DNAJC18: variants seen among roughly 807,000 people sequenced by gnomAD.
DNAJC18 encodes dnaJ homolog subfamily C member 18.
A neutral mutation model predicts 48.6 loss-of-function variants in DNAJC18; 40 were observed. That is an observed-to-expected ratio of 0.82 (90% CI 0.64 to 1.07). The LOEUF (loss-of-function observed/expected upper bound fraction) is 1.07, where lower values mean the gene tolerates loss of function less well. DNAJC18 is among the 50% of genes least tolerant of loss of function. DNAJC18 has a pLI of 0.00. For synonymous variants in DNAJC18, 135 were observed against 152.2 expected, an observed-to-expected ratio of 0.89 and a Z score of 0.83; for missense variants, 340 against 427.7, an observed-to-expected ratio of 0.79 and a Z score of 1.81.
chr5:139,414,995 A>T (rs967013110), intron 7 of DNAJC18, among the ~76,000 whole-genome samples: 2 of 151,982 alleles, frequency 1.3e-5, no homozygotes, highest in Admixed American at 6.6e-5. Flanking sequence ...TCTATTTTTT[A>T]TTCTTTTGTG....
At chr5:139,418,036 C>A (rs3924257) in intron 7 of DNAJC18, among the ~76,000 whole-genome samples, 85,376 of 151,996 alleles carry the variant, frequency 0.56, 26,064 homozygotes, top group Non-Finnish European at 0.7. Flanking sequence ...GTGGGGCAGG[C>A]GGGTGTTTGA....
chr5:139,420,004 C>T, intron 7 of DNAJC18, 49 bp downstream of exon 7: 2 of 1,494,940 alleles, frequency 1.3e-6, no homozygotes, highest in Non-Finnish European at 1.8e-6. Flanking sequence ...GGGGTGCCTC[C>T]TGCTGGGAAC....
chr5:139,414,312 ACTC>A, intron 7 of DNAJC18, 40 bp from the exon 8 acceptor site: 2 of 1,576,392 alleles, frequency 1.3e-6, no homozygotes, highest in Non-Finnish European at 1.7e-6. Context: ...CAAGAGCTGA[ACTC>A]CTTTGTTTCA....
Position 139,425,001 on chromosome 5 carries a change from G to T in DNAJC18, c.669+4C>A, listed in dbSNP as rs752423609. ...GGCAGCAGTGCTCCTCCCTCCCTAG[G>T]TACCTGAGGTTTCTCTTCTTCCTCC... On this transcript the variant is annotated splice_donor_region_variant and intron_variant, in intron 5 of 7. Coordinates refer to ENST00000302060, the MANE Select transcript of DNAJC18 (RefSeq NM_152686.4). 1.2e-5 allele frequency: 19 copies of T among 1,611,798 alleles called. No individual in the cohort carries two copies. The highest frequency in any genetic ancestry group is 1.6e-5 in the Non-Finnish European group (19 of 1,178,208).
At chr5:139,422,028 G>A (rs1276946850) in intron 6 of DNAJC18, among the ~76,000 whole-genome samples, 2 of 151,866 alleles carry the variant, frequency 1.3e-5, no homozygotes, top group African/African-American at 4.8e-5. Flanking sequence ...CTTCAGTGTG[G>A]ACCAGAATAA....
At chr5:139,435,834 C>G (rs1315713824) in intron 2 of DNAJC18, among the ~76,000 whole-genome samples, 1 of 150,432 alleles carries the variant, frequency 6.6e-6, no homozygotes, top group East Asian at 2.0e-4. Context: ...GCCTCCTGAG[C>G]AGCTGGAACT....
rs1581418400 is a variant in DNAJC18, at chr5:139,426,352, C to G, written c.379G>C (p.Gly127Arg). The G allele has an allele frequency of 1.9e-6, 3 of 1,613,924 alleles. No individual in the cohort carries two copies. Among genetic ancestry groups the G allele is most frequent in the Non-Finnish European group, 2.5e-6 (3 of 1,179,866 alleles). ...TTGCTCAGGACTGCAAATGCATTTC[C>G]TATTGCTGCAACCAACAAGAACCAG... ...PGATDAFKAI[G>R]NAFAVLSNPD... The change falls in exon 4 of 8, where the codon GGA (glycine) becomes CGA (arginine). Residue 127 changes from glycine to arginine, a missense_variant. Transcript: ENST00000302060.
intron 7 of DNAJC18, among the ~76,000 whole-genome samples, chr5:139,417,726 A>G (rs886805415): frequency 1.3e-5 from 2 of 151,980 alleles, no homozygotes; most frequent in Non-Finnish European, 2.9e-5. Flanking sequence ...GGTGCGCACC[A>G]CCACACCCAG....
intron 1 of DNAJC18, among the ~76,000 whole-genome samples, chr5:139,438,047 T>C (rs1390128087): frequency 6.6e-6 from 1 of 152,210 alleles, no homozygotes; most frequent in African/African-American, 2.4e-5. Context: ...CCGGGCGCGG[T>C]GGCTCACGCC....
chr5:139,423,881 G>A (rs909971575), intron 5 of DNAJC18, among the ~76,000 whole-genome samples: 8 of 152,084 alleles, frequency 5.3e-5, no homozygotes, highest in African/African-American at 1.9e-4. Context: ...ACAACAACCT[G>A]GATTGACACC....
chr5:139,414,428 A>G (rs1189602867), intron 7 of DNAJC18, among the ~76,000 whole-genome samples, 156 bp from the exon 8 acceptor site: 1 of 152,276 alleles, frequency 6.6e-6, no homozygotes, highest in African/African-American at 2.4e-5. Context: ...AACACGTCTT[A>G]GGTACTAGAC....
In DNAJC18 at chr5:139,413,998, G is replaced by A. The variant is rs768112616; in HGVS notation, c.*150C>T. 7.5e-5 allele frequency: 87 copies of A among 1,154,810 alleles called. No homozygotes were observed. Among genetic ancestry groups the A allele is most frequent in the African/African-American group, 1.7e-4 (11 of 63,560 alleles). The allele number at this position is 1,154,810 out of a possible 1,614,324, so 71.5% of individuals were successfully genotyped here. A position where few individuals can be genotyped will look rare whatever the true frequency, so the allele number is the denominator to read the frequency against. On this transcript the variant is annotated 3_prime_UTR_variant, in exon 8 of 8. Transcript: ENST00000302060. Reference sequence around the variant, plus strand: ...TCCTGTGAAGACACATCTGGCTCTCGTGCCCATGCTCCTGCCACTCTGCCC... The same window carrying A: ...TCCTGTGAAGACACATCTGGCTCTCATGCCCATGCTCCTGCCACTCTGCCC...
At chr5:139,431,794 C>T (rs1759333328) in intron 2 of DNAJC18, among the ~76,000 whole-genome samples, 1 of 152,210 alleles carries the variant, frequency 6.6e-6, no homozygotes, top group Admixed American at 6.5e-5. Flanking sequence ...TCCAAACTGG[C>T]TGCATTCCTA....
At chr5:139,435,721 T>TTTTTTTTTTTTTTTTTTTTC (rs1750633667) in intron 2 of DNAJC18, among the ~76,000 whole-genome samples, 1 of 124,958 alleles carries the variant, frequency 8.0e-6, no homozygotes. Context: ...TTTTTTTTTT[T>TTTTTTTTTTTTTTTTTTTTC]TTTTTTTTTT....
Position 139,428,699 on chromosome 5 carries a change from A to G in DNAJC18, c.228-16T>C. ...TTTCTTGATCCTAAAAAAAATCACA[A>G]GCATGTATGTCTATAAAGGTCCCTT... On this transcript the variant is annotated splice_polypyrimidine_tract_variant and intron_variant, in intron 2 of 7. Coordinates refer to ENST00000302060, the MANE Select transcript of DNAJC18 (RefSeq NM_152686.4). 3 of 1,607,722 alleles carry G rather than the reference A, an allele frequency of 1.9e-6. No homozygotes were observed. In the South Asian group the frequency reaches 3.3e-5, roughly 18 times the overall value.
At chr5:139,418,044 T>G (rs376244145) in intron 7 of DNAJC18, among the ~76,000 whole-genome samples, 10 of 152,190 alleles carry the variant, frequency 6.6e-5, no homozygotes, top group African/African-American at 2.2e-4. Flanking sequence ...GGCGGGTGTT[T>G]GAAGAATGTG....
Position 139,428,178 on chromosome 5 carries a change from C to T in DNAJC18, c.373+360G>A, listed in dbSNP as rs546193277. ...TTGGAAGGCCTAGGCGGGCAGATTA[C>T]TTGAGCTCAGGAGTTTGAGATCAGC... On this transcript the variant is annotated intron_variant, in intron 3 of 7. Coordinates refer to ENST00000302060, the MANE Select transcript of DNAJC18 (RefSeq NM_152686.4). 3.3e-5 allele frequency among the ~76,000 whole-genome samples: 5 copies of T among 152,314 alleles called. No homozygotes were observed. In the East Asian group the frequency reaches 9.7e-4, roughly 29 times the overall value.
chr5:139,437,433 G>A lies in DNAJC18; in HGVS notation c.166C>T (p.Gln56Ter). Residue 56 changes from glutamine to a stop codon, truncating the protein, a stop_gained, in exon 2 of 8, where the codon CAG becomes TAG. Transcript: ENST00000302060. LOFTEE classifies it high-confidence loss of function. Reference sequence around the variant, plus strand: ...GAGTTCCCCTCACCCTGCCGGGTCTGAGTCCACTCATTCTCAGACTTCTTT... The same window carrying A: ...GAGTTCCCCTCACCCTGCCGGGTCTAAGTCCACTCATTCTCAGACTTCTTT... ...KEKKSENEWT[Q>*]TRQGEGNSTY... 1 of 1,614,156 alleles carries A rather than the reference G, an allele frequency of 6.2e-7. No homozygotes were observed. Among genetic ancestry groups the A allele is most frequent in the South Asian group, 1.1e-5 (1 of 91,080 alleles).
intron 2 of DNAJC18, among the ~76,000 whole-genome samples, chr5:139,434,266 T>C (rs1225576638): frequency 6.6e-6 from 1 of 152,230 alleles, no homozygotes; most frequent in Non-Finnish European, 1.5e-5. Context: ...TTCAAACTGA[T>C]GCCACTCAAA....
Sources: gnomAD v4.1 joint callset for allele counts (sites outside exome capture counted in the v4.1 genomes callset) on GRCh38, gnomAD v4.1.1 for gene constraint, MANE v1.5 for transcripts, NCBI Gene and HGNC (gene_info 2026-07-23, HGNC 2026-07-21) for gene names.